Variants in RASSF2 observed in about 807,000 individuals in gnomAD.
RASSF2 encodes the protein Ras association domain family member 2.
A neutral mutation model predicts 46.3 loss-of-function variants in RASSF2; 34 were observed. The observed-to-expected ratio is 0.73, with a 90% confidence interval of 0.56 to 0.98. The LOEUF (loss-of-function observed/expected upper bound fraction) is 0.98. Ranked by LOEUF, RASSF2 falls within the 50% of genes least tolerant of loss-of-function variation. The probability of loss-of-function intolerance (pLI) is 0.00; values close to 1 mark genes in which losing one functional copy is unlikely to be tolerated. For missense variants in RASSF2, 364 were observed against 431.2 expected (o/e 0.84, Z 1.38); for synonymous variants, 158 against 162.5 (o/e 0.97, Z 0.21).
chr20:4,818,858 C>T (rs1426211561), intron 2 of RASSF2, among the ~76,000 whole-genome samples: 1 of 152,198 alleles, frequency 6.6e-6, no homozygotes, highest in Non-Finnish European at 1.5e-5. Flanking sequence ...TTGCTATGTG[C>T]CAGGCTAAGC....
intron 2 of RASSF2, among the ~76,000 whole-genome samples, chr20:4,818,000 C>T (rs760301911): frequency 3.3e-5 from 5 of 152,174 alleles, no homozygotes; most frequent in Non-Finnish European, 7.3e-5. Flanking sequence ...GACGCAGTGG[C>T]TCATGCCTGT....
intron 2 of RASSF2, among the ~76,000 whole-genome samples, chr20:4,804,118 A>C (rs1298531045): frequency 1.3e-5 from 2 of 152,076 alleles, no homozygotes; most frequent in Non-Finnish European, 2.9e-5. Flanking sequence ...TAAGCCACTA[A>C]GTTTTGGTAA....
At chr20:4,789,237 G>A (rs1925644955) in intron 8 of RASSF2, among the ~76,000 whole-genome samples, 1 of 152,126 alleles carries the variant, frequency 6.6e-6, no homozygotes, top group Non-Finnish European at 1.5e-5. Flanking sequence ...CAGTCAGCAG[G>A]CCCCAGGGTC....
In RASSF2 at chr20:4,784,156, C is replaced by T; in HGVS notation, c.*117G>A. The T allele has an allele frequency of 9.5e-7, 1 of 1,048,342 alleles. No homozygotes were observed. The highest frequency in any genetic ancestry group is 1.5e-6 in the Non-Finnish European group (1 of 686,484). 64.9% of individuals were successfully genotyped at this position (1,048,342 alleles called of 1,614,324 possible). A position where few individuals can be genotyped will look rare whatever the true frequency, so the allele number is the denominator to read the frequency against. On this transcript the variant is annotated 3_prime_UTR_variant, in exon 12 of 12. Transcript: ENST00000379400. ...CTCCAGGTAGCAAATGATGGCTTGG[C>T]CGGAGCTGGGGAGGTTTGTGTCTAA...
At chr20:4,793,641 T>A (rs1222974311) in intron 5 of RASSF2, among the ~76,000 whole-genome samples, 1 of 152,016 alleles carries the variant, frequency 6.6e-6, no homozygotes, top group African/African-American at 2.4e-5. Context: ...TCCTTATTTT[T>A]TTTTTTTATT....
intron 11 of RASSF2, among the ~76,000 whole-genome samples, 172 bp downstream of exon 11, chr20:4,786,059 T>A (rs1286727225): frequency 2.0e-5 from 3 of 152,090 alleles, no homozygotes; most frequent in African/African-American, 7.2e-5. Context: ...TGAACACACT[T>A]AACTGTCACG....
At chr20:4,809,870 A>G (rs1362542216) in intron 2 of RASSF2, among the ~76,000 whole-genome samples, 2 of 152,114 alleles carry the variant, frequency 1.3e-5, no homozygotes, top group East Asian at 3.9e-4. Context: ...GAGTTGTCCT[A>G]CGTGGAGGTG....
intron 3 of RASSF2, 102 bp from the exon 4 acceptor site, chr20:4,798,187 C>T: frequency 6.6e-7 from 1 of 1,516,568 alleles, no homozygotes; most frequent in Non-Finnish European, 8.9e-7. Flanking sequence ...TTCAGTCACC[C>T]CACTTTGGGT....
chr20:4,817,594 G>T (rs1928406830), intron 2 of RASSF2, among the ~76,000 whole-genome samples: 2 of 152,104 alleles, frequency 1.3e-5, no homozygotes, highest in South Asian at 2.1e-4. Flanking sequence ...ATTCAGAAAG[G>T]AAGGGACCAT....
At chr20:4,817,188 A>G (rs1427455185) in intron 2 of RASSF2, among the ~76,000 whole-genome samples, 1 of 152,246 alleles carries the variant, frequency 6.6e-6, no homozygotes, top group East Asian at 1.9e-4. Context: ...GGTATTCCAA[A>G]GTATAGACAT....
At chr20:4,784,821 C>CAGGT in intron 11 of RASSF2, among the ~76,000 whole-genome samples, 1 of 152,090 alleles carries the variant, frequency 6.6e-6, no homozygotes, top group South Asian at 2.1e-4. Flanking sequence ...TATAACAGAA[C>CAGGT]CTGCATTTTG....
intron 2 of RASSF2, among the ~76,000 whole-genome samples, chr20:4,804,547 C>T (rs1927183233): frequency 6.6e-6 from 1 of 152,016 alleles, no homozygotes; most frequent in Non-Finnish European, 1.5e-5. Context: ...CCATGTTGGC[C>T]AGGCTGGTCT....
intron 2 of RASSF2, among the ~76,000 whole-genome samples, chr20:4,807,179 C>A (rs1210747732): frequency 6.6e-6 from 1 of 152,030 alleles, no homozygotes; most frequent in African/African-American, 2.4e-5. Flanking sequence ...CTAGAGAATT[C>A]GCTGGCGTTT....
intron 2 of RASSF2, 117 bp from the exon 3 acceptor site, chr20:4,801,179 A>C (rs1228810753): frequency 1.4e-6 from 1 of 701,940 alleles, no homozygotes; most frequent in Non-Finnish European, 2.5e-6. Context: ...GTTCCTCCCC[A>C]CCCAGATCCA....
intron 2 of RASSF2, among the ~76,000 whole-genome samples, chr20:4,802,751 T>C (rs977171528): frequency 2.0e-5 from 3 of 151,974 alleles, no homozygotes; most frequent in Non-Finnish European, 4.4e-5. Context: ...GTTCTGGAGA[T>C]AGACGGCAGT....
At chr20:4,808,486 CTTTTT>C (rs11431404) in intron 2 of RASSF2, among the ~76,000 whole-genome samples, 3 of 131,652 alleles carry the variant, frequency 2.3e-5, no homozygotes, top group Admixed American at 7.8e-5. Flanking sequence ...TTACACAAAT[CTTTTT>C]TTTTTTTTTT....
chr20:4,793,621 G>A (rs994927942), intron 5 of RASSF2, among the ~76,000 whole-genome samples: 4 of 151,984 alleles, frequency 2.6e-5, no homozygotes, highest in African/African-American at 4.8e-5. Context: ...AGCAGGAACC[G>A]GTCTCAGCAT....
intron 3 of RASSF2, among the ~76,000 whole-genome samples, chr20:4,799,447 A>C (rs1926679528): frequency 6.6e-6 from 1 of 152,252 alleles, no homozygotes; most frequent in African/African-American, 2.4e-5. Context: ...CTCAAGTAAG[A>C]GGTGGCAGAG....
At chr20:4,820,513 A>T (rs185447046) in intron 2 of RASSF2, among the ~76,000 whole-genome samples, 21 of 151,982 alleles carry the variant, frequency 1.4e-4, no homozygotes, top group East Asian at 3.9e-4. Flanking sequence ...CTATGTCAAA[A>T]AATAATAATA....
Sources: allele counts gnomAD v4.1 joint callset (sites outside exome capture counted in the v4.1 genomes callset), GRCh38; gene constraint gnomAD v4.1.1; transcripts MANE v1.5; gene names NCBI Gene and HGNC (gene_info 2026-07-23, HGNC 2026-07-21).